CORO2B: variants seen among roughly 807,000 people sequenced by gnomAD.
CORO2B encodes coronin-2B.
CORO2B carries 26 observed loss-of-function variants against 58.8 expected under a neutral mutation model. The ratio of observed to expected loss-of-function variants is 0.44; its 90% CI spans 0.32 to 0.61. CORO2B has a LOEUF of 0.61. CORO2B is among the 20% of genes least tolerant of loss of function. The pLI, the probability that CORO2B is intolerant of heterozygous loss-of-function variation, is 0.04. For missense variants in CORO2B, 460 were observed against 645.1 expected, an observed-to-expected ratio of 0.71 and a Z score of 3.11; for synonymous variants, 242 against 253.8, an observed-to-expected ratio of 0.95 and a Z score of 0.44.
the CORO2B span, among the ~76,000 whole-genome samples, chr15:68,532,990 G>A: frequency 8.5e-5 from 13 of 152,128 alleles, no homozygotes; most frequent in Admixed American, 1.3e-4. Flanking sequence ...CACATGGATG[G>A]CTTATAATTC....
At chr15:68,667,969 G>A (rs537400215) in intron 2 of CORO2B, among the ~76,000 whole-genome samples, 6 of 152,286 alleles carry the variant, frequency 3.9e-5, no homozygotes, top group Admixed American at 3.9e-4. Context: ...AATCCCACCT[G>A]GCAGGGTTGT....
chr15:68,679,479 C>T (rs1314576343), intron 2 of CORO2B, among the ~76,000 whole-genome samples: 3 of 152,188 alleles, frequency 2.0e-5, no homozygotes, highest in Non-Finnish European at 2.9e-5. Flanking sequence ...GGGTCTGGTC[C>T]GAGGGGCTGT....
At chr15:68,610,996 T>C (rs1336470661) in intron 1 of CORO2B, among the ~76,000 whole-genome samples, 1 of 152,210 alleles carries the variant, frequency 6.6e-6, no homozygotes, top group African/African-American at 2.4e-5. Context: ...AAGCTTTGTT[T>C]GTGTTAGCAA....
chr15:68,529,950 G>C, the CORO2B span, among the ~76,000 whole-genome samples: 1 of 152,248 alleles, frequency 6.6e-6, no homozygotes, highest in East Asian at 1.9e-4. Flanking sequence ...TACATTCTAG[G>C]ATTTTTGATA....
intron 3 of CORO2B, among the ~76,000 whole-genome samples, chr15:68,699,908 C>T (rs1398372381): frequency 1.3e-5 from 2 of 152,194 alleles, no homozygotes; most frequent in East Asian, 1.9e-4. Flanking sequence ...AGATTCATCA[C>T]GCTCAACATT....
chr15:68,680,168 T>G (rs550767651), intron 2 of CORO2B, among the ~76,000 whole-genome samples: 75 of 152,076 alleles, frequency 4.9e-4, no homozygotes, highest in African/African-American at 1.7e-3. Flanking sequence ...TGTGACTCAC[T>G]CCCACTTCAA....
upstream of CORO2B, among the ~76,000 whole-genome samples, chr15:68,576,738 C>G (rs553270429): frequency 4.1e-3 from 617 of 152,274 alleles, 11 homozygotes; most frequent in African/African-American, 0.014. Flanking sequence ...CAATGCTGGA[C>G]AGCTCGCTGG....
the CORO2B span, among the ~76,000 whole-genome samples, chr15:68,564,141 C>T: frequency 1.3e-5 from 2 of 152,022 alleles, no homozygotes; most frequent in Non-Finnish European, 2.9e-5. Flanking sequence ...TGCTTATTGT[C>T]GAATGTGTTG....
At chr15:68,670,911 A>AT (rs1204967855) in intron 2 of CORO2B, among the ~76,000 whole-genome samples, 1 of 152,284 alleles carries the variant, frequency 6.6e-6, no homozygotes, top group East Asian at 1.9e-4. Flanking sequence ...TAACAAAAGC[A>AT]TTTTTTTAAA....
the CORO2B span, among the ~76,000 whole-genome samples, chr15:68,520,012 T>C: frequency 1.3e-5 from 2 of 152,380 alleles, no homozygotes; most frequent in African/African-American, 4.8e-5. Flanking sequence ...CTCATTTCTG[T>C]TGTGATTTTT....
chr15:68,559,167 G>C, the CORO2B span, among the ~76,000 whole-genome samples: 2 of 152,192 alleles, frequency 1.3e-5, no homozygotes, highest in East Asian at 3.9e-4. The surrounding 1 kb of genome is among the most constrained non-coding windows in gnomAD (Gnocchi z 4.3). Context: ...ACCTGACTCA[G>C]TGGCGTCAGT....
At chr15:68,585,643 C>G (rs1899534269) in intron 1 of CORO2B, among the ~76,000 whole-genome samples, 1 of 152,162 alleles carries the variant, frequency 6.6e-6, no homozygotes, top group Admixed American at 6.5e-5. Flanking sequence ...CACTCCCCAC[C>G]AACCCCCCAC....
At chr15:68,693,131 T>TC (rs1279622536) in intron 2 of CORO2B, among the ~76,000 whole-genome samples, 1 of 152,184 alleles carries the variant, frequency 6.6e-6, no homozygotes, top group African/African-American at 2.4e-5. Context: ...GAGGCTTTTT[T>TC]CCCCCTCTCT....
chr15:68,695,091 G>T, intron 2 of CORO2B, 49 bp from the exon 3 acceptor site: 2 of 1,461,966 alleles, frequency 1.4e-6, no homozygotes, highest in Non-Finnish European at 9.6e-7. Flanking sequence ...GGCCACCCCA[G>T]GGCCATCAAA....
intron 2 of CORO2B, among the ~76,000 whole-genome samples, chr15:68,653,442 A>C (rs544627504): frequency 6.8e-4 from 103 of 152,236 alleles, no homozygotes; most frequent in Middle Eastern, 3.4e-3. Context: ...CCTATGGCCA[A>C]ATCACAGAGG....
chr15:68,662,096 T>C (rs1433830255), intron 2 of CORO2B, among the ~76,000 whole-genome samples: 2 of 152,240 alleles, frequency 1.3e-5, no homozygotes, highest in Non-Finnish European at 2.9e-5. Flanking sequence ...TAATGGCTTC[T>C]AGGAACTCAT....
At chr15:68,550,616 G>GC in the CORO2B span, among the ~76,000 whole-genome samples, 1 of 152,136 alleles carries the variant, frequency 6.6e-6, no homozygotes, top group African/African-American at 2.4e-5. Flanking sequence ...TATTACTGTC[G>GC]CCCCCGAGTT....
At chr15:68,641,709 T>C (rs1384785633) in intron 1 of CORO2B, 1 of 373,238 alleles carries the variant, frequency 2.7e-6, no homozygotes, top group Non-Finnish European at 3.7e-6. Flanking sequence ...GTGATGGGGA[T>C]GATTAGCCAC....
At chr15:68,684,941 C>T (rs1462566219) in intron 2 of CORO2B, among the ~76,000 whole-genome samples, 2 of 152,236 alleles carry the variant, frequency 1.3e-5, no homozygotes, top group Middle Eastern at 3.4e-3. Flanking sequence ...GAAGAGAGAG[C>T]CAGGAAGACT....
Sources: allele counts gnomAD v4.1 joint callset (sites outside exome capture counted in the v4.1 genomes callset), GRCh38; gene constraint gnomAD v4.1.1; non-coding constraint Gnocchi (gnomAD v3.1); transcripts MANE v1.5; gene names NCBI Gene and HGNC (gene_info 2026-07-23, HGNC 2026-07-21).